The following PCDHGA8 variants were observed in gnomAD, a reference collection of about 807,000 sequenced individuals.
PCDHGA8 encodes the protein protocadherin gamma-A8.
In PCDHGA8, 45 loss-of-function variants were observed where a neutral mutation model predicts 59.2. The observed-to-expected ratio is 0.76, with a 90% CI of 0.60 to 0.98. The LOEUF (loss-of-function observed/expected upper bound fraction) is 0.98, where lower values mean the gene tolerates loss of function less well. Ranked by LOEUF, PCDHGA8 falls within the 50% of genes least tolerant of loss-of-function variation. The probability of loss-of-function intolerance (pLI) is 0.00; values close to 1 mark genes in which losing one functional copy is unlikely to be tolerated. For missense variants in PCDHGA8, 1,257 were observed against 1,196.2 expected (o/e 1.05, Z -0.75); for synonymous variants, 531 against 519.0 (o/e 1.02, Z -0.32).
chr5:141,413,431 G>C (rs963192857), intron 1 of PCDHGA8: 1 of 1,614,092 alleles, frequency 6.2e-7, no homozygotes, highest in Non-Finnish European at 8.5e-7. Flanking sequence ...CCCGCGCAGC[G>C]GCAGCTTGAT....
chr5:141,415,588 A>G lies in PCDHGA8; in HGVS notation c.2424+20351A>G, dbSNP rs769216282. 3.3e-5 allele frequency: 53 copies of G among 1,613,874 alleles called. No individual in the cohort carries two copies. Among genetic ancestry groups the G allele is most frequent in the Admixed American group, 3.3e-5 (2 of 59,998 alleles). ...TTTGTTAGATGATTCGAAGTTTCCT[A>G]TAGAGGATACCCCATTGGTTCCAGT... On this transcript the variant is annotated intron_variant, in intron 1 of 3. Transcript: ENST00000398604.
intron 1 of PCDHGA8, chr5:141,478,109 T>G: frequency 1.2e-6 from 2 of 1,614,086 alleles, no homozygotes; most frequent in Non-Finnish European, 8.5e-7. Flanking sequence ...CCTCACTGTG[T>G]CAGTAACCGA....
intron 1 of PCDHGA8, chr5:141,403,191 G>A (rs368387997): frequency 1.1e-5 from 18 of 1,613,876 alleles, no homozygotes; most frequent in Non-Finnish European, 1.4e-5. Context: ...CTGAACCCGC[G>A]CAGCGGCACC....
In PCDHGA8 at chr5:141,491,867, T is replaced by A. The variant is rs1424221139; in HGVS notation, c.2425-2940T>A. On this transcript the variant is annotated intron_variant, in intron 1 of 3. Transcript: ENST00000398604. The surrounding 1 kb of genome is among the most constrained non-coding windows in gnomAD (Gnocchi z 6.9). ...TTGGACCGTTTGCGCGAAACCAGAG[T>A]GGCCGATTAAGGGATGGGGCTCCGA... 6.9e-7 allele frequency: 1 copy of A among 1,452,218 alleles called. No homozygotes were observed. The highest frequency in any genetic ancestry group is 9.1e-7 in the Non-Finnish European group (1 of 1,099,056). The allele number at this position is 1,452,218 out of a possible 1,614,324, so 90.0% of individuals were successfully genotyped here. A position where few individuals can be genotyped will look rare whatever the true frequency, so the allele number is the denominator to read the frequency against.
chr5:141,430,914 T>G (rs750607631), intron 1 of PCDHGA8: 1 of 1,607,676 alleles, frequency 6.2e-7, no homozygotes, highest in Non-Finnish European at 8.5e-7. Context: ...TCCAGGGACC[T>G]GGGGCTGGAG....
intron 2 of PCDHGA8, among the ~76,000 whole-genome samples, chr5:141,495,233 A>G (rs1226612093): frequency 1.3e-5 from 2 of 152,196 alleles, no homozygotes; most frequent in African/African-American, 4.8e-5. Flanking sequence ...GCTGGGCTCC[A>G]TTATGACCTG....
intron 1 of PCDHGA8, chr5:141,398,155 C>G (rs1238092530): frequency 1.3e-5 from 19 of 1,492,684 alleles, no homozygotes; most frequent in Non-Finnish European, 1.7e-5. Flanking sequence ...GGAGCTGGGC[C>G]GGGCTGAGAG....
At position 141,430,974 on chromosome 5, in the gene PCDHGA8, C is replaced by T. The variant is rs141488923; in HGVS notation, c.2424+35737C>T. The T allele has an allele frequency of 7.0e-4, 1,130 of 1,613,070 alleles. 8 individuals carry two copies. In the African/African-American group the frequency reaches 0.014, roughly 19 times the overall value. On this transcript the variant is annotated intron_variant, in intron 1 of 3. Transcript: ENST00000398604. ...GTCCGCATCATCCCCAGAGGTAGGA[C>T]GCAGCTTTTCGCCCTGAATCCGCGC...
At chr5:141,418,568 G>A (rs769914679) in intron 1 of PCDHGA8, 62 of 1,613,902 alleles carry the variant, frequency 3.8e-5, no homozygotes, top group Non-Finnish European at 5.2e-5. Context: ...AGATGCCAAT[G>A]ACAACCCCCC....
intron 1 of PCDHGA8, among the ~76,000 whole-genome samples, chr5:141,460,951 G>GTATA (rs200454978): frequency 7.9e-5 from 11 of 139,774 alleles, no homozygotes; most frequent in Middle Eastern, 3.7e-3. Context: ...TATGTATTAT[G>GTATA]TATATATATA....
chr5:141,419,524 T>C (rs1400473876), intron 1 of PCDHGA8: 4 of 1,612,164 alleles, frequency 2.5e-6, no homozygotes, highest in Non-Finnish European at 3.4e-6. Flanking sequence ...TGGGCGACCG[T>C]AACGACAACG....
intron 1 of PCDHGA8, among the ~76,000 whole-genome samples, chr5:141,456,824 G>C (rs2098890304): frequency 6.6e-6 from 1 of 152,052 alleles, no homozygotes; most frequent in African/African-American, 2.4e-5. Flanking sequence ...ATTAGCCATC[G>C]TGGTAGTGGG....
At position 141,489,644 on chromosome 5, in the gene PCDHGA8, C is replaced by T. The variant is rs1244782345; in HGVS notation, c.2425-5163C>T. 11 of 1,614,070 alleles carry T rather than the reference C, an allele frequency of 6.8e-6. No individual in the cohort carries two copies. The Admixed American group carries it at 1.8e-4, about 27-fold the overall frequency. ...AATGACAACTCTCCTAGCTTTGCCA[C>T]CCCTGAGCGAGAGATGCGCATCTCA... is the stretch of plus-strand genomic sequence containing the variant. On this transcript the variant is annotated intron_variant, in intron 1 of 3. Coordinates refer to ENST00000398604, the MANE Select transcript of PCDHGA8 (RefSeq NM_032088.2). The surrounding 1 kb of genome is among the most constrained non-coding windows in gnomAD (Gnocchi z 4.5).
chr5:141,451,576 C>G (rs997933491), intron 1 of PCDHGA8, among the ~76,000 whole-genome samples: 10 of 152,164 alleles, frequency 6.6e-5, no homozygotes, highest in Middle Eastern at 3.4e-3. Context: ...TTTTTATAAA[C>G]CTAATTTTGA....
At chr5:141,423,744 A>G in intron 1 of PCDHGA8, 1 of 429,464 alleles carries the variant, frequency 2.3e-6, no homozygotes. Context: ...TGTTATGAAA[A>G]CTGTTTGGGG....
Position 141,494,855 on chromosome 5 carries a change from G to A in PCDHGA8, c.2473G>A (p.Gly825Ser), listed in dbSNP as rs200418116. The A allele has an allele frequency of 4.8e-4, 774 of 1,614,092 alleles. 7 individuals carry two copies. The South Asian group carries it at 5.1e-3, about 11-fold the overall frequency. ...GCGTTTCTCTCAGGCCCAGAGACCC[G>A]GCACCAGCGGGTAGGTGACTGATTC... is the stretch of plus-strand genomic sequence containing the variant. ...DWRFSQAQRP[G>S]TSGSQNGDDT... Residue 825 changes from glycine (G) to serine (S), a missense_variant, in exon 2 of 4, where the codon GGC becomes AGC. Coordinates refer to ENST00000398604, the MANE Select transcript of PCDHGA8 (RefSeq NM_032088.2).
At chr5:141,448,305 A>C (rs910461420) in intron 1 of PCDHGA8, among the ~76,000 whole-genome samples, 1 of 152,092 alleles carries the variant, frequency 6.6e-6, no homozygotes, top group East Asian at 1.9e-4. Context: ...TTAATATCTC[A>C]AGGAATCTTT....
In PCDHGA8 at chr5:141,476,467, G is replaced by A. The variant is rs375302797; in HGVS notation, c.2425-18340G>A. On this transcript the variant is annotated intron_variant, in intron 1 of 3. Transcript: ENST00000398604. This position sits in a 1 kb window ranked among gnomAD's most constrained non-coding sequence, Gnocchi z 7.6. Reference sequence around the variant, plus strand: ...AGTTGGTAGTGGAGAACCCGCTGGAGCTGTTCAGCGTGGAAGTGGTGATCC... The same window carrying A: ...AGTTGGTAGTGGAGAACCCGCTGGAACTGTTCAGCGTGGAAGTGGTGATCC... The A allele has an allele frequency of 2.3e-5, 37 of 1,614,142 alleles. No individual in the cohort carries two copies. The African/African-American group carries it at 4.5e-4, about 20-fold the overall frequency.
rs1345224043 is a variant in PCDHGA8, at chr5:141,487,695, C to G, written c.2425-7112C>G. Reference sequence around the variant, plus strand: ...TGGCTAGGCCATGTCCTAGAGAGTACTGGCCTCTCAGTAAGTGCCCATAGT... The same window carrying G: ...TGGCTAGGCCATGTCCTAGAGAGTAGTGGCCTCTCAGTAAGTGCCCATAGT... On this transcript the variant is annotated intron_variant, in intron 1 of 3. Transcript: ENST00000398604. The surrounding 1 kb of genome is among the most constrained non-coding windows in gnomAD (Gnocchi z 5.0). 1 of 1,601,306 alleles carries G rather than the reference C, an allele frequency of 6.2e-7. No individual in the cohort carries two copies.
Sources: gnomAD v4.1 joint callset for allele counts (sites outside exome capture counted in the v4.1 genomes callset) on GRCh38, gnomAD v4.1.1 for gene constraint, Gnocchi (gnomAD v3.1) non-coding constraint, MANE v1.5 for transcripts, NCBI Gene and HGNC (gene_info 2026-07-23, HGNC 2026-07-21) for gene names.